The following PAG1 variants were observed in gnomAD, a reference collection of about 807,000 sequenced individuals.
PAG1 encodes phosphoprotein membrane anchor with glycosphingolipid microdomains 1.
Under a neutral mutation model 31.7 loss-of-function variants are expected in PAG1, and 23 were observed. The ratio of observed to expected loss-of-function variants is 0.73; its 90% confidence interval spans 0.52 to 1.03. The LOEUF is 1.03. Among genes scored for constraint, PAG1 ranks in the 50% least tolerant of loss-of-function variants. The probability of loss-of-function intolerance (pLI) is 0.00; values close to 1 mark genes in which losing one functional copy is unlikely to be tolerated. For synonymous variants in PAG1, 214 were observed against 210.3 expected (o/e 1.02, Z -0.15); for missense variants, 473 against 540.7 (o/e 0.87, Z 1.24).
At position 80,976,640 on chromosome 8, in the gene PAG1, G is replaced by A. The variant is rs1464790554; in HGVS notation, c.1203C>T (p.Thr401=). 6.2e-7 allele frequency: 1 copy of A among 1,614,148 alleles called. No individual in the cohort carries two copies. The highest frequency in any genetic ancestry group is 8.5e-7 in the Non-Finnish European group (1 of 1,180,012). ...QTLNREEEKA[T]LGTNGHHGLV... ...GACCGTGGTGGCCATTGGTCCCCAGGGTGGCCTTTTCTTCCTCTCTGTTGA... is the reference window on the plus strand; with the variant it reads ...GACCGTGGTGGCCATTGGTCCCCAGAGTGGCCTTTTCTTCCTCTCTGTTGA... Residue 401 remains threonine, a synonymous_variant, in exon 9 of 9, where the codon ACC becomes ACT. Coordinates refer to ENST00000220597, the MANE Select transcript of PAG1 (RefSeq NM_018440.4).
intron 2 of PAG1, among the ~76,000 whole-genome samples, chr8:81,057,942 C>A (rs1037955265): frequency 2.6e-5 from 4 of 152,028 alleles, no homozygotes. Context: ...AAAATAACTC[C>A]AGTTCCATTA....
intron 3 of PAG1, among the ~76,000 whole-genome samples, chr8:80,997,441 T>C (rs1463249187): frequency 6.6e-6 from 1 of 152,088 alleles, no homozygotes; most frequent in East Asian, 1.9e-4. Flanking sequence ...AGGATAACTT[T>C]TTTGATTTTC....
At chr8:80,984,022 T>C (rs1424019018) in intron 7 of PAG1, among the ~76,000 whole-genome samples, 4 of 152,228 alleles carry the variant, frequency 2.6e-5, no homozygotes, top group African/African-American at 7.2e-5. Flanking sequence ...CTGCTACTTG[T>C]CCTTCCTACT....
At chr8:81,021,482 C>T (rs1808168764) in intron 3 of PAG1, among the ~76,000 whole-genome samples, 1 of 142,148 alleles carries the variant, frequency 7.0e-6, no homozygotes, top group Admixed American at 7.4e-5. Context: ...ATTTAGTCTG[C>T]TCATTTTTCA....
At chr8:81,082,562 C>T (rs1038319140) in intron 1 of PAG1, among the ~76,000 whole-genome samples, 31 of 152,134 alleles carry the variant, frequency 2.0e-4, no homozygotes, top group African/African-American at 7.0e-4. Context: ...TGGTAAATGT[C>T]AAGTGTAGTT....
chr8:81,076,576 C>A (rs145076444), intron 1 of PAG1, among the ~76,000 whole-genome samples: 73 of 152,232 alleles, frequency 4.8e-4, no homozygotes, highest in African/African-American at 1.7e-3. Context: ...TTAAAAGTAG[C>A]CTCAGAAACT....
chr8:81,089,220 A>G (rs2131055169), intron 1 of PAG1, among the ~76,000 whole-genome samples: 1 of 152,292 alleles, frequency 6.6e-6, no homozygotes, highest in African/African-American at 2.4e-5. Context: ...TACAGGGGGC[A>G]CTGTGGAGGG....
intron 3 of PAG1, among the ~76,000 whole-genome samples, chr8:81,020,977 A>G (rs557767309): frequency 1.3e-5 from 2 of 152,242 alleles, no homozygotes; most frequent in Non-Finnish European, 2.9e-5. Context: ...AGAAAGGTTA[A>G]ATAAGTCAAA....
intron 1 of PAG1, among the ~76,000 whole-genome samples, chr8:81,082,347 A>C (rs1315368273): frequency 6.6e-6 from 1 of 152,100 alleles, no homozygotes; most frequent in East Asian, 1.9e-4. Context: ...TAAAAAGAAA[A>C]AAGGAACCTG....
In PAG1 at chr8:80,993,219, G is replaced by A. The variant is rs753098814; in HGVS notation, c.9C>T (p.Pro3=). 1.1e-5 allele frequency: 17 copies of A among 1,607,612 alleles called. No homozygotes were observed. Among genetic ancestry groups the A allele is most frequent in the East Asian group, 6.7e-5 (3 of 44,644 alleles). The stretch of plus-strand genomic sequence containing the variant: ...GTCCGCTGCCCAGCAGGCTCCCCGC[G>A]GGCCCCATGGCAGGAGCAGGCACTG... MG[P]AGSLLGSGQM... Residue 3 remains proline, a synonymous_variant, in exon 4 of 9, where the codon CCC becomes CCT. Coordinates refer to ENST00000220597, the MANE Select transcript of PAG1 (RefSeq NM_018440.4).
chr8:81,005,208 A>T (rs939906502), intron 3 of PAG1, among the ~76,000 whole-genome samples: 2 of 152,106 alleles, frequency 1.3e-5, no homozygotes, highest in African/African-American at 4.8e-5. Flanking sequence ...GAATAGACTT[A>T]GGGGGCTTTC....
intron 3 of PAG1, among the ~76,000 whole-genome samples, chr8:80,998,665 A>T (rs1286921019): frequency 1.3e-5 from 2 of 152,170 alleles, no homozygotes; most frequent in Non-Finnish European, 2.9e-5. Context: ...TTGGCCAAAC[A>T]TCCTTAACAG....
intron 2 of PAG1, among the ~76,000 whole-genome samples, chr8:81,039,207 C>T (rs1808512805): frequency 1.3e-5 from 2 of 152,050 alleles, no homozygotes; most frequent in Non-Finnish European, 2.9e-5. Context: ...TTTATGTCCC[C>T]CAAAATTCAT....
At chr8:81,094,427 T>C (rs949430082) in intron 1 of PAG1, among the ~76,000 whole-genome samples, 11 of 152,186 alleles carry the variant, frequency 7.2e-5, no homozygotes, top group Non-Finnish European at 4.4e-5. Flanking sequence ...TTTGCAACTC[T>C]TGGTTCAAGA....
chr8:81,080,087 C>T (rs796499532), intron 1 of PAG1, among the ~76,000 whole-genome samples: 6 of 152,152 alleles, frequency 3.9e-5, no homozygotes, highest in African/African-American at 1.4e-4. Flanking sequence ...AATTTATAAG[C>T]ACCTCATTGA....
At chr8:81,092,961 C>A (rs1047286015) in intron 1 of PAG1, among the ~76,000 whole-genome samples, 2 of 152,170 alleles carry the variant, frequency 1.3e-5, no homozygotes, top group Non-Finnish European at 2.9e-5. Context: ...CAAGTCACAC[C>A]ACCACTTCAA....
chr8:81,046,721 G>A lies in PAG1; in HGVS notation c.-174-16632C>T, dbSNP rs552167938. 2.6e-5 allele frequency among the ~76,000 whole-genome samples: 4 copies of A among 152,154 alleles called. No homozygotes were observed. In the South Asian group the frequency reaches 8.3e-4, roughly 32 times the overall value. On this transcript the variant is annotated intron_variant, in intron 2 of 8. Transcript: ENST00000220597. Reference sequence around the variant, plus strand: ...TTTTAAGTTCAGGGATACATGTGCAGGATGTGCAGGTTTATTACACAGGTA... The same window carrying A: ...TTTTAAGTTCAGGGATACATGTGCAAGATGTGCAGGTTTATTACACAGGTA...
At chr8:81,107,522 C>T (rs576444816) in intron 1 of PAG1, among the ~76,000 whole-genome samples, 6 of 152,262 alleles carry the variant, frequency 3.9e-5, no homozygotes, top group Middle Eastern at 3.4e-3. Context: ...CTAGTGTCAC[C>T]GTGGACAAGT....
At chr8:81,062,575 C>T (rs1451176918) in intron 2 of PAG1, among the ~76,000 whole-genome samples, 1 of 152,122 alleles carries the variant, frequency 6.6e-6, no homozygotes, top group Non-Finnish European at 1.5e-5. Context: ...TCTTTTGGTT[C>T]TTCCCTTATA....
Sources: allele counts gnomAD v4.1 joint callset (sites outside exome capture counted in the v4.1 genomes callset), GRCh38; gene constraint gnomAD v4.1.1; transcripts MANE v1.5; gene names NCBI Gene and HGNC (gene_info 2026-07-23, HGNC 2026-07-21).